The following TAFA5 variants were observed in gnomAD, a reference collection of about 807,000 sequenced individuals.
TAFA5 encodes the protein chemokine-like protein TAFA-5.
TAFA5 carries 6 observed loss-of-function variants against 15.3 expected under a neutral mutation model. The observed-to-expected ratio is 0.39, with a 90% CI of 0.21 to 0.77. The LOEUF is 0.77. Among genes scored for constraint, TAFA5 ranks in the 30% least tolerant of loss-of-function variants. The pLI, the probability that TAFA5 is intolerant of heterozygous loss-of-function variation, is 0.41. For missense variants in TAFA5, 161 were observed against 193.1 expected (o/e 0.83, Z 0.98); for synonymous variants, 103 against 80.7 (o/e 1.28, Z -1.48).
intron 1 of TAFA5, among the ~76,000 whole-genome samples, chr22:48,645,858 A>G (rs1926841398): frequency 6.6e-6 from 1 of 152,170 alleles, no homozygotes; most frequent in African/African-American, 2.4e-5. Flanking sequence ...CCACCCGTGT[A>G]AACCTGCGTG....
At chr22:48,561,641 C>T (rs1479185347) in intron 1 of TAFA5, among the ~76,000 whole-genome samples, 3 of 152,184 alleles carry the variant, frequency 2.0e-5, no homozygotes, top group African/African-American at 4.8e-5. Flanking sequence ...GCCACGGCAA[C>T]GCCTCAAGCC....
In TAFA5 at chr22:48,598,913, G is replaced by A. The variant is rs1924864717; in HGVS notation, c.113-47684G>A. 6.6e-6 allele frequency among the ~76,000 whole-genome samples: 1 copy of A among 152,106 alleles called. No homozygotes were observed. The highest frequency in any genetic ancestry group is 2.1e-4 in the South Asian group (1 of 4,816). On this transcript the variant is annotated intron_variant, in intron 1 of 3. Transcript: ENST00000402357. This position sits in a 1 kb window ranked among gnomAD's most constrained non-coding sequence, Gnocchi z 4.0. ...TCTCCTGGCATTCCGTCATTTGCGA[G>A]AATGGCCCACAATCCTCAGGAAGCC...
At chr22:48,678,947 C>T (rs1928070743) in intron 2 of TAFA5, among the ~76,000 whole-genome samples, 1 of 150,114 alleles carries the variant, frequency 6.7e-6, no homozygotes, top group African/African-American at 2.5e-5. Context: ...CGTCTCCCAG[C>T]TCTGCGTCCA....
At chr22:48,701,089 T>C (rs1264885231) in intron 2 of TAFA5, among the ~76,000 whole-genome samples, 1 of 151,922 alleles carries the variant, frequency 6.6e-6, no homozygotes, top group African/African-American at 2.4e-5. Context: ...CCTGGTACAA[T>C]GGATGTGTAT....
intron 1 of TAFA5, among the ~76,000 whole-genome samples, chr22:48,497,278 G>T (rs9615336): frequency 1.3e-5 from 2 of 152,092 alleles, no homozygotes; most frequent in Non-Finnish European, 2.9e-5. Context: ...GAGAAGCCGG[G>T]GCCTGCGGTC....
At chr22:48,528,902 C>T (rs548309239) in intron 1 of TAFA5, among the ~76,000 whole-genome samples, 294 of 152,264 alleles carry the variant, frequency 1.9e-3, no homozygotes, top group Non-Finnish European at 3.2e-3. Flanking sequence ...CCCATTGTAA[C>T]CTGGAGAAGG....
intron 1 of TAFA5, among the ~76,000 whole-genome samples, chr22:48,606,087 C>A (rs1424496071): frequency 6.6e-6 from 1 of 152,174 alleles, no homozygotes; most frequent in African/African-American, 2.4e-5. Flanking sequence ...ACCTGTCCTG[C>A]CACGTGACTG....
chr22:48,698,371 G>A (rs1928793965), intron 2 of TAFA5, among the ~76,000 whole-genome samples: 1 of 149,908 alleles, frequency 6.7e-6, no homozygotes, highest in South Asian at 2.1e-4. Context: ...GGAGGCCAAG[G>A]GAAGGGAATC....
At position 48,750,122 on chromosome 22, in the gene TAFA5, C is replaced by T. The variant is rs557656049; in HGVS notation, c.*275C>T. The stretch of plus-strand genomic sequence containing the variant: ...GTGGGAGCCCGGCCGCGCCCAGCCC[C>T]CGCCGACCGTGGCGTTGGCCCTGCT... On this transcript the variant is annotated 3_prime_UTR_variant, in exon 4 of 4. Transcript: ENST00000402357. The T allele has an allele frequency of 2.6e-5, 13 of 507,314 alleles. No individual in the cohort carries two copies. The East Asian group carries it at 4.1e-4, about 16-fold the overall frequency. The allele number at this position is 507,314 out of a possible 1,614,324, so 31.4% of individuals were successfully genotyped here.
At chr22:48,591,350 C>T (rs1924559711) in intron 1 of TAFA5, among the ~76,000 whole-genome samples, 1 of 152,254 alleles carries the variant, frequency 6.6e-6, no homozygotes, top group Non-Finnish European at 1.5e-5. Flanking sequence ...CTCAGAGCCA[C>T]AGGCAGGAGT....
chr22:48,574,894 C>T (rs1274261495), intron 1 of TAFA5, among the ~76,000 whole-genome samples: 2 of 152,188 alleles, frequency 1.3e-5, no homozygotes, highest in Admixed American at 6.5e-5. Context: ...GGAAGGGAGG[C>T]AGTGCAGGGA....
At chr22:48,574,226 G>T (rs1923681670) in intron 1 of TAFA5, among the ~76,000 whole-genome samples, 1 of 152,234 alleles carries the variant, frequency 6.6e-6, no homozygotes, top group African/African-American at 2.4e-5. Flanking sequence ...GTGTGAGGCT[G>T]GGGCCACTCC....
intron 1 of TAFA5, among the ~76,000 whole-genome samples, chr22:48,540,547 C>T (rs1156511260): frequency 6.6e-6 from 1 of 152,132 alleles, no homozygotes; most frequent in South Asian, 2.1e-4. Context: ...AGGACCCAGT[C>T]CCACCTCGAG....
intron 1 of TAFA5, among the ~76,000 whole-genome samples, chr22:48,520,014 C>G (rs1292941767): frequency 6.6e-6 from 1 of 152,226 alleles, no homozygotes; most frequent in African/African-American, 2.4e-5. Flanking sequence ...AATCCAGTGC[C>G]CGGTGTCCTT....
chr22:48,603,513 C>T lies in TAFA5; in HGVS notation c.113-43084C>T, dbSNP rs188992487. Among the ~76,000 whole-genome samples the T allele has an allele frequency of 2.7e-4, 41 of 152,302 alleles. 1 individual carries two copies. The East Asian group carries it at 6.8e-3, about 25-fold the overall frequency. Reference sequence around the variant, plus strand: ...CAGGGCTTATTCTTCCACCCCTGCCCCAAGAGGAGCCACTACAGGGCCCAG... The same window carrying T: ...CAGGGCTTATTCTTCCACCCCTGCCTCAAGAGGAGCCACTACAGGGCCCAG... On this transcript the variant is annotated intron_variant, in intron 1 of 3. Coordinates refer to ENST00000402357, the MANE Select transcript of TAFA5 (RefSeq NM_001082967.3).
At chr22:48,584,538 C>T (rs1924256372) in intron 1 of TAFA5, among the ~76,000 whole-genome samples, 1 of 148,876 alleles carries the variant, frequency 6.7e-6, no homozygotes, top group Non-Finnish European at 1.5e-5. Flanking sequence ...ACACAAAATA[C>T]ACACACATCA....
At chr22:48,745,766 G>A (rs528490819) in intron 3 of TAFA5, among the ~76,000 whole-genome samples, 6 of 152,224 alleles carry the variant, frequency 3.9e-5, no homozygotes, top group East Asian at 3.9e-4. Context: ...TGTCAGCACC[G>A]GCCCAAAGAT....
At chr22:48,642,442 C>A (rs1030039012) in intron 1 of TAFA5, among the ~76,000 whole-genome samples, 1 of 152,186 alleles carries the variant, frequency 6.6e-6, no homozygotes, top group Non-Finnish European at 1.5e-5. Flanking sequence ...CCCTTCTGAA[C>A]CCCCCTTTCT....
intron 2 of TAFA5, among the ~76,000 whole-genome samples, chr22:48,689,777 A>C (rs1928480251): frequency 6.6e-6 from 1 of 152,132 alleles, no homozygotes; most frequent in South Asian, 2.1e-4. Flanking sequence ...GGCTGGTATC[A>C]TTGGCATAAC....
Sources: gnomAD v4.1 joint callset for allele counts (sites outside exome capture counted in the v4.1 genomes callset) on GRCh38, gnomAD v4.1.1 for gene constraint, Gnocchi (gnomAD v3.1) non-coding constraint, MANE v1.5 for transcripts, NCBI Gene and HGNC (gene_info 2026-07-23, HGNC 2026-07-21) for gene names.